The following RBM11 variants were observed in gnomAD, a reference collection of about 807,000 sequenced individuals.
The protein encoded by RBM11 is RNA binding motif protein 11.
Under a neutral mutation model 21.4 loss-of-function variants are expected in RBM11, and 18 were observed. The ratio of observed to expected loss-of-function variants is 0.84; its 90% confidence interval spans 0.58 to 1.25. The LOEUF (loss-of-function observed/expected upper bound fraction) is 1.25. Ranked by LOEUF, RBM11 falls within the 50% of genes most tolerant of loss-of-function variation. The pLI is 0.00. For missense variants in RBM11, 294 were observed against 331.9 expected, an observed-to-expected ratio of 0.89 and a Z score of 0.89; for synonymous variants, 120 against 116.3, an observed-to-expected ratio of 1.03 and a Z score of -0.20.
intron 1 of RBM11, among the ~76,000 whole-genome samples, chr21:14,217,213 A>T (rs999800155): frequency 2.0e-5 from 3 of 152,198 alleles, no homozygotes; most frequent in African/African-American, 7.2e-5. Context: ...GAGTAGTAGT[A>T]TCTGCAGTAT....
At chr21:14,221,013 T>A (rs1473362709) in intron 2 of RBM11, 84 bp from the exon 3 acceptor site, 1 of 1,373,118 alleles carries the variant, frequency 7.3e-7, no homozygotes, top group Non-Finnish European at 9.8e-7. Context: ...CGTCCTAAAA[T>A]ATTTTGAGTC....
chr21:14,223,341 C>T (rs1978832389), intron 3 of RBM11, among the ~76,000 whole-genome samples: 1 of 152,088 alleles, frequency 6.6e-6, no homozygotes, highest in South Asian at 2.1e-4. Flanking sequence ...TTTTATGCTT[C>T]TTGTTGTTTC....
At chr21:14,226,530 A>C (rs1354600489) in intron 4 of RBM11, among the ~76,000 whole-genome samples, 1 of 151,714 alleles carries the variant, frequency 6.6e-6, no homozygotes, top group East Asian at 1.9e-4. Flanking sequence ...GAGACAGGAG[A>C]ATTGCTTGAA....
chr21:14,221,015 T>G, intron 2 of RBM11, 82 bp from the exon 3 acceptor site: 2 of 1,381,184 alleles, frequency 1.4e-6, no homozygotes, highest in East Asian at 5.1e-5. Context: ...TCCTAAAATA[T>G]TTTGAGTCAT....
intron 3 of RBM11, among the ~76,000 whole-genome samples, chr21:14,222,842 T>C (rs1038645073): frequency 5.3e-5 from 8 of 152,210 alleles, no homozygotes; most frequent in African/African-American, 1.9e-4. Flanking sequence ...AATTGAATTT[T>C]ATAATTAACA....
intron 3 of RBM11, among the ~76,000 whole-genome samples, chr21:14,223,732 G>T (rs1168593250): frequency 6.6e-6 from 1 of 152,142 alleles, no homozygotes; most frequent in African/African-American, 2.4e-5. Flanking sequence ...ACCTTTGGGA[G>T]GTGATTGGGT....
chr21:14,219,715 G>A lies in RBM11; in HGVS notation c.249G>A (p.Gln83=). ...TATATGGAAGACCAATTAACGTGCA[G>A]TATCGATTTGGTAGGTCCTGTCACT... ...IRLYGRPINV[Q]YRFGSSRSSE... Residue 83 remains glutamine (Q), a synonymous_variant, in exon 2 of 5, where the codon CAG becomes CAA. Coordinates refer to ENST00000400577, the MANE Select transcript of RBM11 (RefSeq NM_144770.5). The A allele has an allele frequency of 1.3e-6, 2 of 1,592,254 alleles. No homozygotes were observed. The highest frequency in any genetic ancestry group is 1.7e-6 in the Non-Finnish European group (2 of 1,165,730).
chr21:14,224,007 CTT>C lies in RBM11; in HGVS notation c.333-428_333-427del, dbSNP rs560604398. Among the ~76,000 whole-genome samples, 41 of 152,244 alleles carry C rather than the reference CTT, an allele frequency of 2.7e-4. No individual in the cohort carries two copies. The South Asian group carries it at 8.5e-3, about 32-fold the overall frequency. On this transcript the variant is annotated intron_variant, in intron 3 of 4. Transcript: ENST00000400577. ...AAGAACCATGAGCCGAAATACATCT[CTT>C]TTCTTCATAACAAACAGAGTACCTG...
intron 4 of RBM11, 79 bp downstream of exon 4, chr21:14,224,616 G>T: frequency 2.0e-6 from 3 of 1,470,018 alleles, no homozygotes; most frequent in Middle Eastern, 2.5e-4. Flanking sequence ...GTAACATATG[G>T]TGCCCAAATC....
chr21:14,220,244 AAACTTCCTGACAAGAATGGCCTCAAC>A (rs1978552023), intron 2 of RBM11, among the ~76,000 whole-genome samples: 1 of 152,098 alleles, frequency 6.6e-6, no homozygotes, highest in South Asian at 2.1e-4. Flanking sequence ...GTGGCGGAAA[AAACTTCCTGACAAGAATGGCCTCAAC>A]AACTTCTCCT....
chr21:14,221,094 A>G lies in RBM11; in HGVS notation c.260-3A>G, dbSNP rs369564937. 5.1e-6 allele frequency: 8 copies of G among 1,567,776 alleles called. No individual in the cohort carries two copies. The highest frequency in any genetic ancestry group is 4.1e-5 in the African/African-American group (3 of 73,834). On this transcript the variant is annotated splice_region_variant and splice_polypyrimidine_tract_variant and intron_variant, in intron 2 of 4. Transcript: ENST00000400577. ...GTAACCTGTTACTCTGTTTCTTTCAAAGGGAGTTCTCGCTCTTCTGAACCA... is the reference window on the plus strand; with the variant it reads ...GTAACCTGTTACTCTGTTTCTTTCAGAGGGAGTTCTCGCTCTTCTGAACCA...
rs377581211 is a variant in RBM11 at position 14,223,825 on chromosome 21, T to C, written c.333-613T>C. Among the ~76,000 whole-genome samples, 8 of 152,230 alleles carry C rather than the reference T, an allele frequency of 5.3e-5. No individual in the cohort carries two copies. The South Asian group carries it at 1.7e-3, about 32-fold the overall frequency. On this transcript the variant is annotated intron_variant, in intron 3 of 4. Transcript: ENST00000400577. Reference sequence around the variant, plus strand: ...GGTTATTGAGGAAGTGGGTTTGTTATCACAAGTAGATCTGTTGTAAAAGCC... The same window carrying C: ...GGTTATTGAGGAAGTGGGTTTGTTACCACAAGTAGATCTGTTGTAAAAGCC...
In RBM11 at chr21:14,219,696, G is replaced by A. The variant is rs1301097055; in HGVS notation, c.230G>A (p.Gly77Glu). The stretch of plus-strand genomic sequence containing the variant: ...TTGCTGAATGGAATTCGTTTATATG[G>A]AAGACCAATTAACGTGCAGTATCGA... The part of the protein sequence containing the change: ...IALLNGIRLY[G>E]RPINVQYRFG... The change falls in exon 2 of 5, where the codon GGA becomes GAA. Residue 77 changes from glycine to glutamate, a missense_variant. Physicochemically the swap from Gly to Glu is moderately conservative, Grantham distance 98 (BLOSUM62 -2). Transcript: ENST00000400577. 23 of 1,603,968 alleles carry A rather than the reference G, an allele frequency of 1.4e-5. No individual in the cohort carries two copies. The highest frequency in any genetic ancestry group is 1.9e-5 in the Non-Finnish European group (22 of 1,173,378).
Position 14,216,398 on chromosome 21 carries a change from T to A in RBM11, c.96+116T>A. 3 of 806,018 alleles carry A rather than the reference T, an allele frequency of 3.7e-6. No homozygotes were observed. The South Asian group carries it at 5.0e-5, about 13-fold the overall frequency. The allele number at this position is 806,018 out of a possible 1,614,324, so 49.9% of individuals were successfully genotyped here. ...TCCGTCCCATCCTGAGCAGGGGTTT[T>A]AATTTCGTTTCCTCTTGGCGCACCT... On this transcript the variant is annotated intron_variant, in intron 1 of 4. Transcript: ENST00000400577.
chr21:14,219,783 G>C, intron 2 of RBM11, 58 bp downstream of exon 2: 2 of 1,407,134 alleles, frequency 1.4e-6, no homozygotes, highest in Non-Finnish European at 1.9e-6. Context: ...TATTCTCAGA[G>C]TTGTAAGCAA....
chr21:14,224,756 C>T (rs181012430), intron 4 of RBM11, among the ~76,000 whole-genome samples: 10 of 152,240 alleles, frequency 6.6e-5, no homozygotes, highest in Middle Eastern at 3.4e-3. Flanking sequence ...AAGGGATGGA[C>T]GGCAGTGACG....
chr21:14,228,171 G>A lies in RBM11; in HGVS notation c.*878G>A, dbSNP rs1979268630. The A allele has an allele frequency of 6.6e-6, 1 of 151,786 alleles. No individual in the cohort carries two copies. Among genetic ancestry groups the A allele is most frequent in the East Asian group, 1.9e-4 (1 of 5,170 alleles). 9.4% of individuals were successfully genotyped at this position (151,786 alleles called of 1,614,324 possible). ...TTAGAAGAAAAATAAAATTATTTGGGCATTTTTGTTTATAGCTCATTACAA... is the reference window on the plus strand; with the variant it reads ...TTAGAAGAAAAATAAAATTATTTGGACATTTTTGTTTATAGCTCATTACAA... On this transcript the variant is annotated 3_prime_UTR_variant, in exon 5 of 5. Transcript: ENST00000400577.
chr21:14,221,006 C>A lies in RBM11; in HGVS notation c.260-91C>A, dbSNP rs1165217155. Reference sequence around the variant, plus strand: ...CAGAATTTTAAAATCACTACTACGTCCTAAAATATTTTGAGTCATTTTATG... The same window carrying A: ...CAGAATTTTAAAATCACTACTACGTACTAAAATATTTTGAGTCATTTTATG... On this transcript the variant is annotated intron_variant, in intron 2 of 4. Coordinates refer to ENST00000400577, the MANE Select transcript of RBM11 (RefSeq NM_144770.5). 15 of 1,301,870 alleles carry A rather than the reference C, an allele frequency of 1.2e-5. No homozygotes were observed. In the East Asian group the frequency reaches 3.6e-4, roughly 31 times the overall value. The allele number at this position is 1,301,870 out of a possible 1,614,324, so 80.6% of individuals were successfully genotyped here. A position where few individuals can be genotyped will look rare whatever the true frequency, so the allele number is the denominator to read the frequency against.
Position 14,228,015 on chromosome 21 carries a change from A to G in RBM11, c.*722A>G. ...GTGTGTATTATTCACCTCTTTTGCTAGCAAGGTTTGAGATGCTATATTAAC... is the reference window on the plus strand; with the variant it reads ...GTGTGTATTATTCACCTCTTTTGCTGGCAAGGTTTGAGATGCTATATTAAC... On this transcript the variant is annotated 3_prime_UTR_variant, in exon 5 of 5. Coordinates refer to ENST00000400577, the MANE Select transcript of RBM11 (RefSeq NM_144770.5). 6.6e-6 allele frequency: 1 copy of G among 152,216 alleles called. No homozygotes were observed. The highest frequency in any genetic ancestry group is 1.5e-5 in the Non-Finnish European group (1 of 68,020). The allele number at this position is 152,216 out of a possible 1,614,324, so 9.4% of individuals were successfully genotyped here.
Sources: gnomAD v4.1 joint callset for allele counts (sites outside exome capture counted in the v4.1 genomes callset) on GRCh38, gnomAD v4.1.1 for gene constraint, MANE v1.5 for transcripts, NCBI Gene and HGNC (gene_info 2026-07-23, HGNC 2026-07-21) for gene names.